The following RPS6KC1 variants were observed in gnomAD, a reference collection of about 807,000 sequenced individuals.
RPS6KC1 encodes the protein inactive ribosomal protein S6 kinase delta-1.
In RPS6KC1, 54 loss-of-function variants were observed where a neutral mutation model predicts 103.8. That is an observed-to-expected ratio of 0.52 (90% CI 0.42 to 0.65). The LOEUF (loss-of-function observed/expected upper bound fraction) is 0.65, where lower values mean the gene tolerates loss of function less well. Among genes scored for constraint, RPS6KC1 ranks in the 30% least tolerant of loss-of-function variants. The probability of loss-of-function intolerance (pLI) is 0.00; values close to 1 mark genes in which losing one functional copy is unlikely to be tolerated. For synonymous variants in RPS6KC1, 439 were observed against 438.7 expected, an observed-to-expected ratio of 1.00 and a Z score of -0.01; for missense variants, 1,151 against 1,253.8, an observed-to-expected ratio of 0.92 and a Z score of 1.24.
the RPS6KC1 span, among the ~76,000 whole-genome samples, chr1:213,604,379 G>A: frequency 2.6e-5 from 4 of 152,180 alleles, no homozygotes; most frequent in Non-Finnish European, 4.4e-5. Flanking sequence ...TTGCCATCAC[G>A]TATTAATCCC....
At chr1:213,641,184 T>G in the RPS6KC1 span, among the ~76,000 whole-genome samples, 21,332 of 151,968 alleles carry the variant, frequency 0.14, 2,359 homozygotes, top group African/African-American at 0.31. Flanking sequence ...TAGAGTGTTT[T>G]TATTGCTCTT....
chr1:213,167,129 CT>C (rs1485332999), intron 6 of RPS6KC1, among the ~76,000 whole-genome samples: 1 of 152,054 alleles, frequency 6.6e-6, no homozygotes, highest in African/African-American at 2.4e-5. Flanking sequence ...CAGCTCCTGA[CT>C]AGGGGGGCCC....
intron 6 of RPS6KC1, among the ~76,000 whole-genome samples, chr1:213,153,335 G>T (rs1047497197): frequency 6.6e-6 from 1 of 151,964 alleles, no homozygotes; most frequent in African/African-American, 2.4e-5. Flanking sequence ...AGGGGCAGGG[G>T]CAGAGGCAGA....
chr1:213,130,906 C>G (rs1415688838), intron 6 of RPS6KC1, among the ~76,000 whole-genome samples: 1 of 152,014 alleles, frequency 6.6e-6, no homozygotes, highest in African/African-American at 2.4e-5. Context: ...AGTAACTTCT[C>G]ATCCATCTAC....
chr1:213,576,330 G>T, the RPS6KC1 span, among the ~76,000 whole-genome samples: 2 of 150,370 alleles, frequency 1.3e-5, no homozygotes, highest in Non-Finnish European at 2.9e-5. Flanking sequence ...GATTTAAAAT[G>T]CAGGTATACC....
chr1:213,089,682 G>C (rs1245390680), intron 3 of RPS6KC1, among the ~76,000 whole-genome samples: 1 of 151,910 alleles, frequency 6.6e-6, no homozygotes, highest in Non-Finnish European at 1.5e-5. Flanking sequence ...GGCTGGTCTC[G>C]AACTCCTGAC....
intron 4 of RPS6KC1, among the ~76,000 whole-genome samples, chr1:213,109,920 C>T (rs1243659206): frequency 6.6e-6 from 1 of 151,560 alleles, no homozygotes; most frequent in Non-Finnish European, 1.5e-5. Context: ...TAGCATGTAT[C>T]AGTAGTTCAT....
chr1:213,061,424 AC>A (rs2077828762), intron 1 of RPS6KC1, among the ~76,000 whole-genome samples: 1 of 152,158 alleles, frequency 6.6e-6, no homozygotes, highest in Non-Finnish European at 1.5e-5. Context: ...GTGGGTGATA[AC>A]CAGCCCAAAT....
the RPS6KC1 span, among the ~76,000 whole-genome samples, chr1:213,645,244 GT>G: frequency 1.9e-4 from 29 of 151,778 alleles, no homozygotes; most frequent in African/African-American, 5.8e-4. Context: ...ACGTTTTTGG[GT>G]TTTTTTTGTT....
chr1:213,074,060 G>A (rs940948513), intron 2 of RPS6KC1, among the ~76,000 whole-genome samples: 1 of 152,164 alleles, frequency 6.6e-6, no homozygotes, highest in African/African-American at 2.4e-5. Context: ...AAATAGTGTG[G>A]TAGTGATGTT....
In RPS6KC1 at chr1:213,240,947, C is replaced by G. The variant is rs773158201; in HGVS notation, c.1471C>G (p.Gln491Glu). ...TGACAGCAACCAGGAAGATGATGGCCAAGATAGCTCTCCAAAGTGGCCAGA... is the reference window on the plus strand; with the variant it reads ...TGACAGCAACCAGGAAGATGATGGCGAAGATAGCTCTCCAAAGTGGCCAGA... The part of the protein sequence containing the change: ...QDDSNQEDDG[Q>E]DSSPKWPDSG... The change falls in exon 11 of 15, where the codon CAA (glutamine) becomes GAA (glutamate). Residue 491 changes from glutamine to glutamate, a missense_variant. By Grantham distance (29) the Gln-to-Glu change is conservative. Transcript: ENST00000366960. 6.2e-7 allele frequency: 1 copy of G among 1,613,748 alleles called. No individual in the cohort carries two copies. The highest frequency in any genetic ancestry group is 8.5e-7 in the Non-Finnish European group (1 of 1,179,924).
chr1:213,227,947 C>CT (rs36061501), intron 8 of RPS6KC1, among the ~76,000 whole-genome samples: 2 of 152,086 alleles, frequency 1.3e-5, no homozygotes, highest in Admixed American at 6.6e-5. Flanking sequence ...TCTGAAAAGG[C>CT]TTTTTTGCCA....
chr1:213,748,639 G>A, the RPS6KC1 span, among the ~76,000 whole-genome samples: 1 of 152,170 alleles, frequency 6.6e-6, no homozygotes, highest in Non-Finnish European at 1.5e-5. Flanking sequence ...TTCATTTTGT[G>A]TTCTAGAATT....
At chr1:213,204,404 C>G (rs1441271277) in intron 8 of RPS6KC1, among the ~76,000 whole-genome samples, 1 of 151,908 alleles carries the variant, frequency 6.6e-6, no homozygotes, top group Non-Finnish European at 1.5e-5. Context: ...TTTTAATAAC[C>G]AGAAAGATAA....
the RPS6KC1 span, among the ~76,000 whole-genome samples, chr1:213,451,703 A>G: frequency 6.6e-6 from 1 of 152,338 alleles, no homozygotes; most frequent in East Asian, 1.9e-4. Context: ...TTCCATTCCC[A>G]TTAGCTTGTG....
At chr1:213,750,540 T>C in the RPS6KC1 span, among the ~76,000 whole-genome samples, 1 of 152,142 alleles carries the variant, frequency 6.6e-6, no homozygotes, top group Non-Finnish European at 1.5e-5. Context: ...AGGATGGATA[T>C]ATGAGCTGAG....
At chr1:213,367,458 T>C in the RPS6KC1 span, among the ~76,000 whole-genome samples, 11 of 152,206 alleles carry the variant, frequency 7.2e-5, no homozygotes, top group African/African-American at 1.4e-4. Context: ...CTTTGGGTGG[T>C]CTGTGACTTA....
At chr1:213,142,093 C>G (rs1023128931) in intron 6 of RPS6KC1, among the ~76,000 whole-genome samples, 18 of 152,008 alleles carry the variant, frequency 1.2e-4, no homozygotes, top group African/African-American at 4.1e-4. Flanking sequence ...GTCAAGTTTT[C>G]TTGTTGAATC....
intron 6 of RPS6KC1, among the ~76,000 whole-genome samples, chr1:213,145,546 C>T (rs562025820): frequency 1.3e-4 from 20 of 152,078 alleles, no homozygotes; most frequent in African/African-American, 4.1e-4. Flanking sequence ...AAAAGGATTA[C>T]GAGACACAAT....
Sources: gnomAD v4.1 joint callset for allele counts (sites outside exome capture counted in the v4.1 genomes callset) on GRCh38, gnomAD v4.1.1 for gene constraint, MANE v1.5 for transcripts, NCBI Gene and HGNC (gene_info 2026-07-23, HGNC 2026-07-21) for gene names.